The following TRAPPC9 variants were observed in gnomAD, a reference collection of about 807,000 sequenced individuals.
The protein encoded by TRAPPC9 is trafficking protein particle complex subunit 9, also known as IKK2 binding protein.
TRAPPC9 carries 83 observed loss-of-function variants against 124.0 expected under a neutral mutation model. The ratio of observed to expected loss-of-function variants is 0.67; its 90% confidence interval spans 0.56 to 0.80. The LOEUF is 0.80. TRAPPC9 is among the 30% of genes least tolerant of loss of function. The pLI is 0.00. For missense variants in TRAPPC9, 1,302 were observed against 1,508.3 expected (o/e 0.86, Z 2.27); for synonymous variants, 638 against 617.5 (o/e 1.03, Z -0.49).
chr8:140,323,551 C>A (rs780971970), intron 9 of TRAPPC9, among the ~76,000 whole-genome samples: 6 of 152,070 alleles, frequency 3.9e-5, no homozygotes, highest in South Asian at 2.1e-4. Context: ...TTAGAGGACA[C>A]CCAGCTGGTA....
intron 17 of TRAPPC9, among the ~76,000 whole-genome samples, chr8:140,140,574 C>T (rs185208008): frequency 1.3e-5 from 2 of 152,322 alleles, no homozygotes; most frequent in Non-Finnish European, 2.9e-5. Context: ...TCCTCCCATA[C>T]AGTGATTTAG....
intron 19 of TRAPPC9, among the ~76,000 whole-genome samples, chr8:139,983,663 AC>A (rs1158083413): frequency 2.6e-5 from 4 of 151,754 alleles, no homozygotes; most frequent in African/African-American, 9.7e-5. Flanking sequence ...TCTCCATCTC[AC>A]CCTTTCTTCT....
chr8:140,392,340 A>C (rs1487333690), intron 7 of TRAPPC9, among the ~76,000 whole-genome samples: 2 of 152,228 alleles, frequency 1.3e-5, no homozygotes, highest in African/African-American at 4.8e-5. Flanking sequence ...AGCTTATCCG[A>C]TAATGGAGAG....
In TRAPPC9 at chr8:140,376,366, C is replaced by T. The variant is rs185203042; in HGVS notation, c.1135-5186G>A. Among the ~76,000 whole-genome samples, 4 of 151,806 alleles carry T rather than the reference C, an allele frequency of 2.6e-5. No homozygotes were observed. In the East Asian group the frequency reaches 7.8e-4, roughly 30 times the overall value. Reference sequence around the variant, plus strand: ...GGTCAGGAGATCAGGATCATCCTGGCCAACACAGTGAAACCCCGTCTCTAC... The same window carrying T: ...GGTCAGGAGATCAGGATCATCCTGGTCAACACAGTGAAACCCCGTCTCTAC... On this transcript the variant is annotated intron_variant, in intron 7 of 22. Coordinates refer to ENST00000438773, the MANE Select transcript of TRAPPC9 (RefSeq NM_001160372.4).
chr8:140,126,700 C>T (rs113778663), intron 17 of TRAPPC9, among the ~76,000 whole-genome samples: 2 of 152,074 alleles, frequency 1.3e-5, no homozygotes, highest in Non-Finnish European at 2.9e-5. Flanking sequence ...GCATAAGTAG[C>T]GAGAAGTAGC....
intron 17 of TRAPPC9, among the ~76,000 whole-genome samples, chr8:140,056,303 A>G (rs1163635979): frequency 6.6e-6 from 1 of 151,966 alleles, no homozygotes; most frequent in Non-Finnish European, 1.5e-5. Context: ...CTAGCTACTC[A>G]GGAGGCTGAG....
At chr8:140,152,423 C>T (rs1487497168) in intron 17 of TRAPPC9, among the ~76,000 whole-genome samples, 6 of 133,772 alleles carry the variant, frequency 4.5e-5, no homozygotes, top group African/African-American at 1.2e-4. Flanking sequence ...TGCAGTGGTG[C>T]GATCTCAGCT....
At chr8:139,849,120 C>T (rs756688303) in intron 21 of TRAPPC9, among the ~76,000 whole-genome samples, 6 of 152,214 alleles carry the variant, frequency 3.9e-5, no homozygotes, top group Non-Finnish European at 8.8e-5. Context: ...CCAGCCATTT[C>T]TCAGGCAAAG....
chr8:139,934,235 G>C (rs1045359042), intron 19 of TRAPPC9, among the ~76,000 whole-genome samples: 81 of 152,074 alleles, frequency 5.3e-4, no homozygotes, highest in African/African-American at 1.9e-3. Flanking sequence ...GAGAGAGACA[G>C]AGAGATTAGG....
At position 140,235,675 on chromosome 8, in the gene TRAPPC9, C is replaced by T. The variant is rs542096298; in HGVS notation, c.2432-14092G>A. 7.9e-4 allele frequency among the ~76,000 whole-genome samples: 121 copies of T among 152,292 alleles called. 1 individual carries two copies. The highest frequency in any genetic ancestry group is 2.8e-3 in the African/African-American group (118 of 41,548). On this transcript the variant is annotated intron_variant, in intron 16 of 22. Transcript: ENST00000438773. ...CGAGGAGCTGGAGCAAGAGAGAGTT[C>T]ATACATAGTGCTGGGATGTACAGAA... is the stretch of plus-strand genomic sequence containing the variant.
intron 17 of TRAPPC9, among the ~76,000 whole-genome samples, chr8:140,167,715 C>T (rs2061870230): frequency 1.3e-5 from 2 of 152,158 alleles, no homozygotes; most frequent in South Asian, 4.1e-4. Context: ...TTTAAGCTCC[C>T]GCTATTTCAT....
intron 4 of TRAPPC9, among the ~76,000 whole-genome samples, chr8:140,434,775 C>G (rs905764843): frequency 6.6e-6 from 1 of 152,016 alleles, no homozygotes; most frequent in Non-Finnish European, 1.5e-5. Flanking sequence ...TCGAGACCAG[C>G]CTGGCCAACA....
At chr8:139,746,840 C>G (rs984143083) in intron 21 of TRAPPC9, among the ~76,000 whole-genome samples, 1 of 152,234 alleles carries the variant, frequency 6.6e-6, no homozygotes, top group African/African-American at 2.4e-5. Context: ...CAGACAGGCA[C>G]TGGGCCTCTA....
chr8:139,904,957 G>A (rs886461564), intron 20 of TRAPPC9: 8 of 152,272 alleles, frequency 5.3e-5, no homozygotes, highest in African/African-American at 1.9e-4. Context: ...CGTGGTAAAG[G>A]CTATTATCTG....
In TRAPPC9 at chr8:140,413,779, C is replaced by T. The variant is rs1171806832; in HGVS notation, c.887-8081G>A. On this transcript the variant is annotated intron_variant, in intron 5 of 22. Transcript: ENST00000438773. Reference sequence around the variant, plus strand: ...TGCGGTGTTTGGTTTTTAGTTCTTGCGATAGTTTACTGAGAATGATGATTT... The same window carrying T: ...TGCGGTGTTTGGTTTTTAGTTCTTGTGATAGTTTACTGAGAATGATGATTT... 4.0e-5 allele frequency among the ~76,000 whole-genome samples: 6 copies of T among 150,502 alleles called. No individual in the cohort carries two copies. The East Asian group carries it at 5.9e-4, about 15-fold the overall frequency.
At chr8:140,235,344 T>A (rs141904386) in intron 16 of TRAPPC9, among the ~76,000 whole-genome samples, 119 of 152,220 alleles carry the variant, frequency 7.8e-4, no homozygotes, top group African/African-American at 2.8e-3. Context: ...AAAGACAACA[T>A]CAGGAAAGTA....
At chr8:140,131,053 G>A (rs1391653073) in intron 17 of TRAPPC9, among the ~76,000 whole-genome samples, 1 of 151,986 alleles carries the variant, frequency 6.6e-6, no homozygotes, top group Non-Finnish European at 1.5e-5. Flanking sequence ...TTTTAAAAGG[G>A]TACTTTTAAA....
chr8:140,400,495 G>C (rs1199051718), intron 6 of TRAPPC9, among the ~76,000 whole-genome samples: 1 of 152,142 alleles, frequency 6.6e-6, no homozygotes, highest in Non-Finnish European at 1.5e-5. Flanking sequence ...ATTTTACTTG[G>C]TTGCAAAACA....
rs1263491885 is a variant in TRAPPC9 at position 139,728,444 on chromosome 8, T to C, written c.*2617A>G. Among the ~76,000 whole-genome samples the C allele has an allele frequency of 1.3e-5, 2 of 152,196 alleles. No individual in the cohort carries two copies. The highest frequency in any genetic ancestry group is 2.9e-5 in the Non-Finnish European group (2 of 68,040). On this transcript the variant is annotated 3_prime_UTR_variant, in exon 23 of 23. Transcript: ENST00000438773. ...GCAACTGCTGGACTGTATTGCCAGG[T>C]AGCCAGTAGCGTGGGGCCCTGGAAG...
Sources: allele counts gnomAD v4.1 joint callset (sites outside exome capture counted in the v4.1 genomes callset), GRCh38; gene constraint gnomAD v4.1.1; transcripts MANE v1.5; gene names NCBI Gene and HGNC (gene_info 2026-07-23, HGNC 2026-07-21).